The following TBCD variants were observed in gnomAD, a reference collection of about 807,000 sequenced individuals.
TBCD encodes the protein tubulin-specific chaperone D.
TBCD carries 105 observed loss-of-function variants against 169.3 expected under a neutral mutation model. The ratio of observed to expected loss-of-function variants is 0.62; its 90% confidence interval spans 0.53 to 0.73. The LOEUF (loss-of-function observed/expected upper bound fraction) is 0.73. Among genes scored for constraint, TBCD ranks in the 30% least tolerant of loss-of-function variants. TBCD has a pLI of 0.00. For synonymous variants in TBCD, 700 were observed against 643.9 expected (o/e 1.09, Z -1.32); for missense variants, 1,444 against 1,600.1 (o/e 0.90, Z 1.66).
chr17:82,840,968 T>TTG (rs1567869693), intron 13 of TBCD, among the ~76,000 whole-genome samples: 4 of 138,694 alleles, frequency 2.9e-5, no homozygotes, highest in South Asian at 2.5e-4. Flanking sequence ...TTTTTTTTTT[T>TTG]TTTTTTTTTT....
chr17:82,810,408 A>T (rs1351461631), intron 12 of TBCD, among the ~76,000 whole-genome samples: 1 of 152,158 alleles, frequency 6.6e-6, no homozygotes, highest in Non-Finnish European at 1.5e-5. Flanking sequence ...CCACTGCTGC[A>T]CTCCAGACTG....
chr17:82,903,493 C>A lies in TBCD; in HGVS notation c.1804+15C>A. ...CGCCACGCAAGGTGGGTGTGTGTCC[C>A]GGCCGGCCTGCGGGCACCATGCATG... is the stretch of plus-strand genomic sequence containing the variant. On this transcript the variant is annotated intron_variant, in intron 19 of 38. Coordinates refer to ENST00000355528, the MANE Select transcript of TBCD (RefSeq NM_005993.5). The surrounding 1 kb of genome is among the most constrained non-coding windows in gnomAD (Gnocchi z 4.8). 6.3e-7 allele frequency: 1 copy of A among 1,582,642 alleles called. No homozygotes were observed. Among genetic ancestry groups the A allele is most frequent in the Non-Finnish European group, 8.6e-7 (1 of 1,164,244 alleles).
In TBCD at chr17:82,833,208, T is replaced by G. The variant is rs61259789; in HGVS notation, c.1318+18274T>G. ...CCTCACTTTTACACAGAGCGTGGGC[T>G]GGCCACCGTCTACTTGCTCCTACCT... On this transcript the variant is annotated intron_variant, in intron 13 of 38. Coordinates refer to ENST00000355528, the MANE Select transcript of TBCD (RefSeq NM_005993.5). The surrounding 1 kb of genome is among the most constrained non-coding windows in gnomAD (Gnocchi z 4.7). 0.042 allele frequency among the ~76,000 whole-genome samples: 6,421 copies of G among 152,150 alleles called. 264 individuals are homozygous for G. Among genetic ancestry groups the G allele is most frequent in the African/African-American group, 0.11 (4,468 of 41,504 alleles).
intron 13 of TBCD, chr17:82,859,872 C>G: frequency 1.0e-6 from 1 of 985,418 alleles, no homozygotes; most frequent in Non-Finnish European, 1.2e-6. Flanking sequence ...CTTGAGATAA[C>G]TGGGTTGGAG....
intron 7 of TBCD, among the ~76,000 whole-genome samples, chr17:82,784,368 G>A (rs529673943): frequency 6.6e-6 from 1 of 152,166 alleles, no homozygotes; most frequent in African/African-American, 2.4e-5. Context: ...CCCTCGTTCC[G>A]GCCGTGCTGG....
intron 35 of TBCD, 129 bp from the exon 36 acceptor site, chr17:82,937,920 C>A: frequency 6.5e-7 from 1 of 1,534,810 alleles, no homozygotes; most frequent in Non-Finnish European, 8.7e-7. Flanking sequence ...CGGCTTGGGG[C>A]CCCAGGCCCG....
At chr17:82,774,585 C>T (rs2048473829) in intron 6 of TBCD, among the ~76,000 whole-genome samples, 1 of 152,202 alleles carries the variant, frequency 6.6e-6, no homozygotes, top group Non-Finnish European at 1.5e-5. Context: ...GACGGGGTGG[C>T]AGCCGGGCAG....
Position 82,867,042 on chromosome 17 carries a change from T to G in TBCD, c.1319-3182T>G, listed in dbSNP as rs1025071143. 2.6e-5 allele frequency among the ~76,000 whole-genome samples: 4 copies of G among 152,328 alleles called. No homozygotes were observed. In the East Asian group the frequency reaches 7.7e-4, roughly 29 times the overall value. ...GCACAGCTGTCTCTGGGTGGCTGAT[T>G]CATCCCAGCAGCTGACTACGATGGT... On this transcript the variant is annotated intron_variant, in intron 13 of 38. Transcript: ENST00000355528.
At chr17:82,850,882 C>T (rs1598932335) in intron 13 of TBCD, among the ~76,000 whole-genome samples, 1 of 152,242 alleles carries the variant, frequency 6.6e-6, no homozygotes, top group East Asian at 1.9e-4. Context: ...GAGCTCAAAA[C>T]ACCTCCCAAT....
intron 2 of TBCD, among the ~76,000 whole-genome samples, chr17:82,759,752 T>C (rs1197677151): frequency 6.6e-6 from 1 of 152,242 alleles, no homozygotes; most frequent in Admixed American, 6.5e-5. Flanking sequence ...GATGATTTAG[T>C]GGCCTCTCCC....
chr17:82,813,097 A>G (rs1390533040), intron 12 of TBCD, among the ~76,000 whole-genome samples: 1 of 152,178 alleles, frequency 6.6e-6, no homozygotes, highest in Non-Finnish European at 1.5e-5. Flanking sequence ...TGCTGGGACT[A>G]TAGACCTGAG....
In TBCD at chr17:82,902,595, C is replaced by T. The variant is rs570451871; in HGVS notation, c.1731-810C>T. Among the ~76,000 whole-genome samples the T allele has an allele frequency of 2.8e-3, 423 of 152,326 alleles. 2 individuals carry two copies. The highest frequency in any genetic ancestry group is 0.014 in the Middle Eastern group (4 of 294). On this transcript the variant is annotated intron_variant, in intron 18 of 38. Transcript: ENST00000355528. The stretch of plus-strand genomic sequence containing the variant: ...GTGGACCCTGAGCAGGGCCCTCGGC[C>T]GACACCAGAGGGGCTGTGGCAGGTG...
intron 13 of TBCD, among the ~76,000 whole-genome samples, chr17:82,828,977 T>C (rs2053217686): frequency 9.6e-6 from 1 of 104,464 alleles, no homozygotes; most frequent in African/African-American, 3.8e-5. Flanking sequence ...ACCCACACAA[T>C]CCCATATACC....
chr17:82,856,475 A>G (rs934471129), intron 13 of TBCD, among the ~76,000 whole-genome samples: 1 of 152,040 alleles, frequency 6.6e-6, no homozygotes, highest in African/African-American at 2.4e-5. Flanking sequence ...AGACGCCCCA[A>G]TGCTTGCGTT....
intron 18 of TBCD, among the ~76,000 whole-genome samples, chr17:82,901,469 G>A (rs1298705170): frequency 2.7e-5 from 4 of 148,216 alleles, no homozygotes; most frequent in Non-Finnish European, 6.1e-5. Flanking sequence ...CCTGGGGAGC[G>A]GCCCGGCTGC....
At chr17:82,783,436 G>C (rs368436440) in intron 7 of TBCD, among the ~76,000 whole-genome samples, 2 of 152,126 alleles carry the variant, frequency 1.3e-5, no homozygotes, top group Non-Finnish European at 2.9e-5. Flanking sequence ...TTTTCTGTGC[G>C]GTCATCACCA....
At position 82,905,924 on chromosome 17, in the gene TBCD, T is replaced by C. The variant is rs1264359645; in HGVS notation, c.1805-12T>C. ...ACACCCTCACCTGCCCTCTCGGCCC[T>C]GTCTCTTGCAGTCTTCCCGAGGCTG... On this transcript the variant is annotated splice_polypyrimidine_tract_variant and intron_variant, in intron 19 of 38. Transcript: ENST00000355528. The C allele has an allele frequency of 1.2e-6, 2 of 1,603,158 alleles. No homozygotes were observed. The highest frequency in any genetic ancestry group is 1.7e-6 in the Non-Finnish European group (2 of 1,173,500).
In TBCD at chr17:82,937,810, A is replaced by G. The variant is rs969134145; in HGVS notation, c.3282-239A>G. 5.6e-6 allele frequency: 8 copies of G among 1,429,822 alleles called. No individual in the cohort carries two copies. The African/African-American group carries it at 1.1e-4, about 20-fold the overall frequency. The allele number at this position is 1,429,822 out of a possible 1,614,324, so 88.6% of individuals were successfully genotyped here. On this transcript the variant is annotated intron_variant, in intron 35 of 38. Transcript: ENST00000355528. ...CTCATGGCAGGGCGAGCGGCCCTGC[A>G]GGAGATCCTCTGTGAGGCGTCCTCA... is the stretch of plus-strand genomic sequence containing the variant.
chr17:82,938,602 G>A (rs558716514), intron 36 of TBCD, among the ~76,000 whole-genome samples: 90 of 152,348 alleles, frequency 5.9e-4, no homozygotes, highest in African/African-American at 2.1e-3. Flanking sequence ...TGGGGTGCCG[G>A]ACCCTCAGGC....
Sources: gnomAD v4.1 joint callset for allele counts (sites outside exome capture counted in the v4.1 genomes callset) on GRCh38, gnomAD v4.1.1 for gene constraint, Gnocchi (gnomAD v3.1) non-coding constraint, MANE v1.5 for transcripts, NCBI Gene and HGNC (gene_info 2026-07-23, HGNC 2026-07-21) for gene names.